Variants in WWOX observed in about 807,000 individuals in gnomAD.
The protein encoded by WWOX is WW domain containing oxidoreductase.
WWOX carries 69 observed loss-of-function variants against 46.2 expected under a neutral mutation model. The observed-to-expected ratio is 1.49, with a 90% CI of 1.23 to 1.82. WWOX has a LOEUF of 1.82. Ranked by LOEUF, WWOX falls within the 40% of genes most tolerant of loss-of-function variation. The pLI is 0.00. For missense variants in WWOX, 919 were observed against 542.6 expected, an observed-to-expected ratio of 1.69 and a Z score of -6.89; for synonymous variants, 359 against 202.6, an observed-to-expected ratio of 1.77 and a Z score of -6.56.
At chr16:79,053,160 C>T (rs890654648) in intron 8 of WWOX, among the ~76,000 whole-genome samples, 1 of 152,140 alleles carries the variant, frequency 6.6e-6, no homozygotes, top group African/African-American at 2.4e-5. Flanking sequence ...TAGGAAGAAA[C>T]AACTGGATTG....
intron 4 of WWOX, among the ~76,000 whole-genome samples, chr16:78,116,446 G>C (rs933859252): frequency 1.3e-5 from 2 of 152,130 alleles, no homozygotes; most frequent in African/African-American, 4.8e-5. Context: ...TTTTTTTACT[G>C]TACTTGCCTA....
At chr16:78,567,552 CAAAAAAAAAAAAA>C (rs71272440) in intron 8 of WWOX, among the ~76,000 whole-genome samples, 3 of 52,136 alleles carry the variant, frequency 5.8e-5, no homozygotes, top group Non-Finnish European at 1.0e-4. Flanking sequence ...GACTCCGTCT[CAAAAAAAAAAAAA>C]AAAAAAAAAA....
At chr16:78,334,561 T>C (rs1246550848) in intron 5 of WWOX, among the ~76,000 whole-genome samples, 1 of 152,174 alleles carries the variant, frequency 6.6e-6, no homozygotes, top group Non-Finnish European at 1.5e-5. Context: ...TTCTGTTCAA[T>C]TATTTTCACA....
intron 8 of WWOX, among the ~76,000 whole-genome samples, chr16:78,806,324 G>T (rs2051036713): frequency 6.6e-6 from 1 of 152,138 alleles, no homozygotes; most frequent in Non-Finnish European, 1.5e-5. Flanking sequence ...ATTAAAGTTT[G>T]ACTATATTCC....
chr16:78,404,164 G>C (rs888708977), intron 6 of WWOX, among the ~76,000 whole-genome samples: 1 of 152,162 alleles, frequency 6.6e-6, no homozygotes, highest in Non-Finnish European at 1.5e-5. Flanking sequence ...AATGGTAACA[G>C]AGGGAGGGAC....
At chr16:78,721,419 T>C (rs2048686320) in intron 8 of WWOX, among the ~76,000 whole-genome samples, 1 of 152,218 alleles carries the variant, frequency 6.6e-6, no homozygotes, top group Non-Finnish European at 1.5e-5. Context: ...TGTATGAACA[T>C]ATTGTCGGCT....
intron 8 of WWOX, among the ~76,000 whole-genome samples, chr16:78,448,064 G>C (rs968730482): frequency 6.6e-6 from 1 of 152,012 alleles, no homozygotes; most frequent in African/African-American, 2.4e-5. Context: ...TCAGCCTCCC[G>C]ATGTGTTGGG....
chr16:78,145,521 G>C (rs955161457), intron 4 of WWOX, among the ~76,000 whole-genome samples: 6 of 152,142 alleles, frequency 3.9e-5, no homozygotes, highest in Admixed American at 1.3e-4. Context: ...ATCTTCTCCT[G>C]CCTGCTTTTC....
intron 8 of WWOX, among the ~76,000 whole-genome samples, chr16:78,700,138 G>A (rs958674925): frequency 1.8e-4 from 27 of 151,974 alleles, no homozygotes; most frequent in Non-Finnish European, 2.6e-4. Context: ...GTCTTAGTCA[G>A]TCCAGGCTGC....
chr16:78,813,305 A>G (rs533873181), intron 8 of WWOX, among the ~76,000 whole-genome samples: 14 of 151,762 alleles, frequency 9.2e-5, no homozygotes, highest in South Asian at 2.1e-4. Flanking sequence ...CTCCTAAGCT[A>G]TAAATATACA....
At chr16:78,714,684 G>C (rs577884784) in intron 8 of WWOX, among the ~76,000 whole-genome samples, 1 of 152,332 alleles carries the variant, frequency 6.6e-6, no homozygotes, top group South Asian at 2.1e-4. Context: ...GTAAGAAGCA[G>C]TGTAGCATGT....
intron 8 of WWOX, among the ~76,000 whole-genome samples, chr16:78,787,193 G>C (rs920071615): frequency 1.3e-5 from 2 of 152,042 alleles, no homozygotes; most frequent in South Asian, 2.1e-4. Flanking sequence ...TCACCACTTT[G>C]ACCATTTTAA....
intron 8 of WWOX, among the ~76,000 whole-genome samples, chr16:79,131,291 G>A (rs1254749790): frequency 1.3e-5 from 2 of 152,134 alleles, no homozygotes; most frequent in African/African-American, 4.8e-5. Flanking sequence ...GTACTCCCAA[G>A]AGGCATGGAT....
chr16:79,100,966 A>G (rs2150629636), intron 8 of WWOX, among the ~76,000 whole-genome samples: 1 of 151,818 alleles, frequency 6.6e-6, no homozygotes, highest in South Asian at 2.1e-4. Context: ...TAAACTTGGC[A>G]CCTGTAGAAA....
chr16:78,102,842 TA>T (rs1176762101), intron 1 of WWOX, among the ~76,000 whole-genome samples: 1 of 151,950 alleles, frequency 6.6e-6, no homozygotes, highest in Non-Finnish European at 1.5e-5. Context: ...GTGGGATGAG[TA>T]AATGAATCAC....
chr16:78,866,548 T>A (rs187669114), intron 8 of WWOX, among the ~76,000 whole-genome samples: 1 of 152,270 alleles, frequency 6.6e-6, no homozygotes, highest in Admixed American at 6.5e-5. Context: ...TAAAAGCTAA[T>A]GTACCACACG....
intron 8 of WWOX, among the ~76,000 whole-genome samples, chr16:78,582,299 C>G (rs1439521438): frequency 6.6e-6 from 1 of 152,096 alleles, no homozygotes; most frequent in South Asian, 2.1e-4. Flanking sequence ...GATTATGTTA[C>G]GCTTGTCATC....
At chr16:78,549,157 A>C (rs1170382955) in intron 8 of WWOX, among the ~76,000 whole-genome samples, 1 of 152,168 alleles carries the variant, frequency 6.6e-6, no homozygotes. Flanking sequence ...CGTAATTGGG[A>C]GAGATTGCCG....
At chr16:78,732,396 C>T (rs886106312) in intron 8 of WWOX, among the ~76,000 whole-genome samples, 2 of 152,136 alleles carry the variant, frequency 1.3e-5, no homozygotes, top group Admixed American at 1.3e-4. Context: ...TTGAGGCCGC[C>T]AGTCATAGTC....
Sources: gnomAD v4.1 joint callset for allele counts (sites outside exome capture counted in the v4.1 genomes callset) on GRCh38, gnomAD v4.1.1 for gene constraint, MANE v1.5 for transcripts, NCBI Gene and HGNC (gene_info 2026-07-23, HGNC 2026-07-21) for gene names.